PRUNE2: variants seen among roughly 807,000 people sequenced by gnomAD.
PRUNE2 encodes prune homolog 2 with BCH domain, also known as protein prune homolog 2.
Under a neutral mutation model 252.0 loss-of-function variants are expected in PRUNE2, and 164 were observed. That is an observed-to-expected ratio of 0.65 (90% CI 0.57 to 0.74). The LOEUF (loss-of-function observed/expected upper bound fraction) is 0.74, where lower values mean the gene tolerates loss of function less well. PRUNE2 is among the 30% of genes least tolerant of loss of function. PRUNE2 has a pLI of 0.00. For synonymous variants in PRUNE2, 1,292 were observed against 1,350.2 expected (o/e 0.96, Z 0.94); for missense variants, 3,495 against 3,711.0 (o/e 0.94, Z 1.51).
chr9:76,866,082 G>A (rs2060825034), intron 1 of PRUNE2, among the ~76,000 whole-genome samples: 1 of 152,176 alleles, frequency 6.6e-6, no homozygotes, highest in African/African-American at 2.4e-5. Flanking sequence ...CAAGCAGTGT[G>A]TACAGGTACA....
chr9:76,837,166 G>A (rs931981965), intron 4 of PRUNE2, among the ~76,000 whole-genome samples: 3 of 152,098 alleles, frequency 2.0e-5, no homozygotes, highest in Non-Finnish European at 4.4e-5. Context: ...GTTATTGGCC[G>A]GGCACAGTGG....
chr9:76,667,271 T>A (rs972865138), intron 9 of PRUNE2, among the ~76,000 whole-genome samples: 2 of 152,270 alleles, frequency 1.3e-5, no homozygotes, highest in Admixed American at 1.3e-4. Flanking sequence ...TGGGAGTGAA[T>A]TTGAAAGAAT....
chr9:76,640,445 G>A (rs1244689411), intron 12 of PRUNE2, among the ~76,000 whole-genome samples: 2 of 152,274 alleles, frequency 1.3e-5, no homozygotes, highest in Admixed American at 6.5e-5. Flanking sequence ...TACTACAAGT[G>A]GTGATACGGT....
At chr9:76,874,444 G>T (rs2061377608) in intron 1 of PRUNE2, among the ~76,000 whole-genome samples, 1 of 152,118 alleles carries the variant, frequency 6.6e-6, no homozygotes, top group Non-Finnish European at 1.5e-5. Context: ...TAACCCAAAA[G>T]AAGCAATTAT....
rs72732614 is a variant in PRUNE2, at chr9:76,652,360, A to T, written c.8557+123T>A. 2.8e-3 allele frequency: 2,021 copies of T among 724,320 alleles called. 9 individuals carry two copies. The highest frequency in any genetic ancestry group is 0.018 in the Middle Eastern group (62 of 3,506). 44.9% of individuals were successfully genotyped at this position (724,320 alleles called of 1,614,324 possible). Reference sequence around the variant, plus strand: ...GTCAATCATGGCCACCTATAACCTGAAATAAAAACAGAAGCTTCTAGAAAT... The same window carrying T: ...GTCAATCATGGCCACCTATAACCTGTAATAAAAACAGAAGCTTCTAGAAAT... On this transcript the variant is annotated intron_variant, in intron 11 of 18. Transcript: ENST00000376718.
intron 3 of PRUNE2, 107 bp from the exon 4 acceptor site, chr9:76,846,785 C>A: frequency 2.4e-6 from 2 of 850,230 alleles, no homozygotes; most frequent in East Asian, 2.5e-5. Context: ...TCTCAATGAC[C>A]AAAAATATGA....
intron 6 of PRUNE2, among the ~76,000 whole-genome samples, chr9:76,714,451 GT>G (rs1392984489): frequency 2.6e-5 from 4 of 152,188 alleles, no homozygotes; most frequent in Non-Finnish European, 5.9e-5. Flanking sequence ...CTGGAGTGCT[GT>G]GGCGTTATCT....
rs2046193701 is a variant in PRUNE2, at chr9:76,704,818, C to G, written c.7456G>C (p.Glu2486Gln). 1.3e-6 allele frequency: 2 copies of G among 1,587,682 alleles called. No homozygotes were observed. Among genetic ancestry groups the G allele is most frequent in the Admixed American group, 3.6e-5 (2 of 56,308 alleles). ...AAATCAGAATTATCTGTTTCTACTT[C>G]CCAGTCAACGTTTGATGGAGACAAA... ...NILSPSNVDW[E>Q]VETDNSDLPA... The change falls in exon 8 of 19, where the codon GAA becomes CAA. Residue 2486 changes from glutamate (E) to glutamine (Q), a missense_variant. Transcript: ENST00000376718.
chr9:76,666,205 G>A (rs970177640), intron 9 of PRUNE2, among the ~76,000 whole-genome samples: 5 of 152,148 alleles, frequency 3.3e-5, no homozygotes, highest in African/African-American at 7.2e-5. Context: ...CAAGCGGACC[G>A]TGGTCTAGCG....
At chr9:76,838,403 G>A (rs1004519485) in intron 4 of PRUNE2, among the ~76,000 whole-genome samples, 23 of 152,076 alleles carry the variant, frequency 1.5e-4, no homozygotes, top group South Asian at 6.2e-4. Context: ...CCAACACTTT[G>A]GGGGGCCGAG....
chr9:76,658,362 C>T (rs7847922), intron 9 of PRUNE2, among the ~76,000 whole-genome samples: 10 of 151,962 alleles, frequency 6.6e-5, no homozygotes, highest in African/African-American at 2.4e-4. Flanking sequence ...CCGTCCCACT[C>T]CCCCCCAAAA....
chr9:76,778,948 C>G (rs2054084650), intron 6 of PRUNE2: 1 of 152,170 alleles, frequency 6.6e-6, no homozygotes, highest in Non-Finnish European at 1.5e-5. Context: ...TGGCTGAGCA[C>G]CACTGAGCAT....
rs1203424442 is a variant in PRUNE2 at position 76,636,572 on chromosome 9, GA to G, written c.8964-16del. 30 of 1,361,074 alleles carry G rather than the reference GA, an allele frequency of 2.2e-5. 1 individual carries two copies. The highest frequency in any genetic ancestry group is 3.8e-5 in the South Asian group (3 of 78,458). The allele number at this position is 1,361,074 out of a possible 1,614,324, so 84.3% of individuals were successfully genotyped here. A position where few individuals can be genotyped will look rare whatever the true frequency, so the allele number is the denominator to read the frequency against. On this transcript the variant is annotated splice_polypyrimidine_tract_variant and intron_variant, in intron 14 of 18. Coordinates refer to ENST00000376718, the MANE Select transcript of PRUNE2 (RefSeq NM_015225.3). Reference sequence around the variant, plus strand: ...TCTTCCTCAACCTATTTTGAAAAAAGAAAAAAAATACATTACTCTTAACCCA... The same window carrying G: ...TCTTCCTCAACCTATTTTGAAAAAAGAAAAAAATACATTACTCTTAACCCA...
At position 76,710,405 on chromosome 9, in the gene PRUNE2, A is replaced by G; in HGVS notation, c.1869T>C (p.Thr623=). The change falls in exon 8 of 19, where the codon ACT becomes ACC. Residue 623 remains threonine (T), a synonymous_variant. Coordinates refer to ENST00000376718, the MANE Select transcript of PRUNE2 (RefSeq NM_015225.3). ...MNSLVESSPS[T]EEPASLYTED... is the part of the protein sequence containing the mutation. ...CTGTATAGAGTGAGGCTGGTTCTTC[A>G]GTGGATGGCGAGCTTTCTACTAAAC... The G allele has an allele frequency of 6.2e-7, 1 of 1,613,968 alleles. No individual in the cohort carries two copies. The highest frequency in any genetic ancestry group is 8.5e-7 in the Non-Finnish European group (1 of 1,179,870).
chr9:76,665,530 G>T (rs996196189), intron 9 of PRUNE2, among the ~76,000 whole-genome samples: 5 of 152,140 alleles, frequency 3.3e-5, no homozygotes, highest in Admixed American at 2.6e-4. Flanking sequence ...AAATGTGTCT[G>T]CCCCCACTCC....
chr9:76,625,194 A>G (rs1476502701), intron 16 of PRUNE2: 1 of 470,884 alleles, frequency 2.1e-6, no homozygotes, highest in South Asian at 1.7e-5. Flanking sequence ...ATGTAACATC[A>G]TTTGGGTCAG....
At chr9:76,891,267 T>C (rs1226930918) in intron 1 of PRUNE2, among the ~76,000 whole-genome samples, 1 of 152,242 alleles carries the variant, frequency 6.6e-6, no homozygotes, top group Non-Finnish European at 1.5e-5. Flanking sequence ...ACACCTGCTC[T>C]GTAGCAGGGA....
At chr9:76,801,935 A>G (rs1264814340) in intron 6 of PRUNE2, among the ~76,000 whole-genome samples, 6 of 152,178 alleles carry the variant, frequency 3.9e-5, no homozygotes, top group Admixed American at 1.3e-4. Flanking sequence ...TATTCTTATA[A>G]GGTGACAAAT....
intron 4 of PRUNE2, among the ~76,000 whole-genome samples, chr9:76,833,961 CA>C (rs2132165215): frequency 6.7e-6 from 1 of 149,572 alleles, no homozygotes; most frequent in Admixed American, 6.7e-5. Context: ...TGGCTCACTG[CA>C]ACTTCCGCCT....
Sources: allele counts gnomAD v4.1 joint callset (sites outside exome capture counted in the v4.1 genomes callset), GRCh38; gene constraint gnomAD v4.1.1; transcripts MANE v1.5; gene names NCBI Gene and HGNC (gene_info 2026-07-23, HGNC 2026-07-21).